Variants in PRKN observed in about 807,000 individuals in gnomAD.
PRKN encodes E3 ubiquitin-protein ligase parkin.
PRKN carries 56 observed loss-of-function variants against 59.5 expected under a neutral mutation model. That is an observed-to-expected ratio of 0.94 (90% confidence interval 0.76 to 1.18). PRKN has a LOEUF of 1.18. PRKN is among the 50% of genes most tolerant of loss of function. The probability of loss-of-function intolerance (pLI) is 0.00; values close to 1 mark genes in which losing one functional copy is unlikely to be tolerated. For synonymous variants in PRKN, 250 were observed against 222.1 expected (o/e 1.13, Z -1.12); for missense variants, 657 against 596.4 (o/e 1.10, Z -1.06).
At chr6:161,977,541 G>GTTTTTTTTTTTTTTTTT (rs1562433349) in intron 5 of PRKN, among the ~76,000 whole-genome samples, 1 of 98,714 alleles carries the variant, frequency 1.0e-5, no homozygotes, top group Admixed American at 1.2e-4. Flanking sequence ...CTGTTTTTTT[G>GTTTTTTTTTTTTTTTTT]GTTTTTTTTT....
chr6:161,687,157 C>T (rs906211251), intron 7 of PRKN, among the ~76,000 whole-genome samples: 9 of 151,772 alleles, frequency 5.9e-5, no homozygotes, highest in African/African-American at 1.9e-4. Context: ...GAGGCCAAGG[C>T]GGGCAGACTG....
intron 7 of PRKN, among the ~76,000 whole-genome samples, chr6:161,680,171 C>T (rs1160496271): frequency 6.6e-6 from 1 of 152,124 alleles, no homozygotes; most frequent in Non-Finnish European, 1.5e-5. Context: ...GATGGAAATG[C>T]ACAACACATC....
chr6:161,680,775 A>ATATATATAT (rs1216235673), intron 7 of PRKN, among the ~76,000 whole-genome samples: 4 of 30,634 alleles, frequency 1.3e-4, no homozygotes, highest in Non-Finnish European at 2.4e-4. Flanking sequence ...ATATATATAT[A>ATATATATAT]TTTTTTTTTT....
At chr6:161,650,101 T>C (rs1784097734) in intron 7 of PRKN, among the ~76,000 whole-genome samples, 2 of 152,160 alleles carry the variant, frequency 1.3e-5, no homozygotes, top group Admixed American at 1.3e-4. Flanking sequence ...TATCTCAACC[T>C]ACAGGTCGTT....
intron 9 of PRKN, among the ~76,000 whole-genome samples, chr6:161,387,210 C>G (rs1786296022): frequency 1.3e-5 from 2 of 152,116 alleles, no homozygotes; most frequent in Admixed American, 1.3e-4. Flanking sequence ...CCCATAATCC[C>G]CATGTGTCAT....
intron 2 of PRKN, among the ~76,000 whole-genome samples, chr6:162,368,446 T>C (rs561192378): frequency 1.3e-5 from 2 of 152,322 alleles, no homozygotes; most frequent in African/African-American, 2.4e-5. Context: ...GGAAGTCTCA[T>C]TGTTTCTTAA....
chr6:162,469,800 G>A (rs1408839234), intron 1 of PRKN, among the ~76,000 whole-genome samples: 1 of 151,936 alleles, frequency 6.6e-6, no homozygotes. Context: ...TGGATGATGG[G>A]TTCACCAAAA....
chr6:161,991,676 T>C (rs1358912886), intron 5 of PRKN, among the ~76,000 whole-genome samples: 2 of 151,984 alleles, frequency 1.3e-5, no homozygotes, highest in Non-Finnish European at 2.9e-5. Flanking sequence ...AGTCCATCTC[T>C]ACTAAACATA....
At chr6:162,224,397 G>GCCTA (rs1156928804) in intron 3 of PRKN, among the ~76,000 whole-genome samples, 4 of 152,132 alleles carry the variant, frequency 2.6e-5, no homozygotes, top group Non-Finnish European at 5.9e-5. Context: ...GTACCATGTA[G>GCCTA]CCTAGGTGTG....
At position 161,377,691 on chromosome 6, in the gene PRKN, A is replaced by G. The variant is rs1785783199; in HGVS notation, c.1167+9103T>C. The stretch of plus-strand genomic sequence containing the variant: ...GAGGCCTTTGCAAGGTGATTGGGTC[A>G]TAAGTCAGAGCCCTCGGGAATGGGA... On this transcript the variant is annotated intron_variant, in intron 10 of 11. Coordinates refer to ENST00000366898, the MANE Select transcript of PRKN (RefSeq NM_004562.3). This position sits in a 1 kb window ranked among gnomAD's most constrained non-coding sequence, Gnocchi z 4.2. 6.6e-6 allele frequency among the ~76,000 whole-genome samples: 1 copy of G among 152,172 alleles called. No homozygotes were observed. The highest frequency in any genetic ancestry group is 1.5e-5 in the Non-Finnish European group (1 of 68,030).
At chr6:161,675,548 G>A (rs1237947300) in intron 7 of PRKN, among the ~76,000 whole-genome samples, 1 of 152,202 alleles carries the variant, frequency 6.6e-6, no homozygotes, top group Admixed American at 6.5e-5. Flanking sequence ...ACTTCTGGGG[G>A]TGTCGGCATC....
At chr6:161,888,567 A>G (rs1376903037) in intron 6 of PRKN, among the ~76,000 whole-genome samples, 5 of 152,118 alleles carry the variant, frequency 3.3e-5, no homozygotes, top group African/African-American at 1.2e-4. Context: ...CCTTTCTAGG[A>G]GTGGGGCATG....
chr6:161,883,104 A>G (rs1795003609), intron 6 of PRKN, among the ~76,000 whole-genome samples: 1 of 152,200 alleles, frequency 6.6e-6, no homozygotes, highest in Non-Finnish European at 1.5e-5. Flanking sequence ...GATAAAGATA[A>G]AGAAAGGCAG....
At chr6:162,015,555 C>T (rs1469553111) in intron 5 of PRKN, among the ~76,000 whole-genome samples, 2 of 151,664 alleles carry the variant, frequency 1.3e-5, no homozygotes, top group Non-Finnish European at 2.9e-5. Context: ...TTGTCAGCTA[C>T]GCTCTTGCTG....
chr6:161,423,675 C>T lies in PRKN; in HGVS notation c.1084-36798G>A, dbSNP rs556474995. ...AAGCTTCCTCTGCACACTCTAGCTA[C>T]AGCAGGGCCTTACCATGGCTCATTG... On this transcript the variant is annotated intron_variant, in intron 9 of 11. Transcript: ENST00000366898. This position sits in a 1 kb window ranked among gnomAD's most constrained non-coding sequence, Gnocchi z 5.9. Among the ~76,000 whole-genome samples, 263 of 152,324 alleles carry T rather than the reference C, an allele frequency of 1.7e-3. 1 individual carries two copies. Among genetic ancestry groups the T allele is most frequent in the Admixed American group, 8.8e-3 (134 of 15,296 alleles).
chr6:162,409,189 G>T (rs1788224806), intron 2 of PRKN, among the ~76,000 whole-genome samples: 1 of 151,466 alleles, frequency 6.6e-6, no homozygotes, highest in South Asian at 2.1e-4. Flanking sequence ...TTTATAGACA[G>T]TGTCTCACTC....
chr6:162,361,835 C>T (rs1282265249), intron 2 of PRKN, among the ~76,000 whole-genome samples: 1 of 152,126 alleles, frequency 6.6e-6, no homozygotes. Flanking sequence ...ATACGTGCAG[C>T]CTGATATCAA....
chr6:162,235,900 GGAAA>G, intron 3 of PRKN, among the ~76,000 whole-genome samples: 1 of 104,516 alleles, frequency 9.6e-6, no homozygotes, highest in Non-Finnish European at 2.0e-5. Context: ...AAAGAAAGAA[GGAAA>G]GGAAGGAAGG....
intron 7 of PRKN, among the ~76,000 whole-genome samples, chr6:161,636,121 G>A (rs1248845439): frequency 6.6e-6 from 1 of 152,230 alleles, no homozygotes; most frequent in Non-Finnish European, 1.5e-5. Context: ...GCAGCACAGA[G>A]CTAGAGACAA....
Sources: allele counts gnomAD v4.1 joint callset (sites outside exome capture counted in the v4.1 genomes callset), GRCh38; gene constraint gnomAD v4.1.1; non-coding constraint Gnocchi (gnomAD v3.1); transcripts MANE v1.5; gene names NCBI Gene and HGNC (gene_info 2026-07-23, HGNC 2026-07-21).